The following CLCNKB variants were observed in gnomAD, a reference collection of about 807,000 sequenced individuals.
CLCNKB encodes chloride channel protein ClC-Kb.
CLCNKB carries 74 observed loss-of-function variants against 83.8 expected under a neutral mutation model. The ratio of observed to expected loss-of-function variants is 0.88; its 90% CI spans 0.73 to 1.07. The LOEUF is 1.07. Ranked by LOEUF, CLCNKB falls within the 50% of genes least tolerant of loss-of-function variation. CLCNKB has a pLI of 0.00. For missense variants in CLCNKB, 798 were observed against 893.6 expected, an observed-to-expected ratio of 0.89 and a Z score of 1.36; for synonymous variants, 358 against 356.6, an observed-to-expected ratio of 1.00 and a Z score of -0.04.
At position 16,056,100 on chromosome 1, in the gene CLCNKB, C is replaced by T. The variant is rs530717169; in HGVS notation, c.1930-322C>T. ...TTCTCCCTGTGTGATCTTGGACAAACGACTTAACCACTCAGGACAGAGCCT... is the reference window on the plus strand; with the variant it reads ...TTCTCCCTGTGTGATCTTGGACAAATGACTTAACCACTCAGGACAGAGCCT... On this transcript the variant is annotated intron_variant, in intron 18 of 19. Coordinates refer to ENST00000375679, the MANE Select transcript of CLCNKB (RefSeq NM_000085.5). Among the ~76,000 whole-genome samples the T allele has an allele frequency of 2.6e-5, 4 of 152,328 alleles. No homozygotes were observed. In the East Asian group the frequency reaches 7.7e-4, roughly 29 times the overall value.
At chr1:16,054,802 G>T (rs986429928) in intron 16 of CLCNKB, among the ~76,000 whole-genome samples, 4 of 152,058 alleles carry the variant, frequency 2.6e-5, no homozygotes, top group African/African-American at 9.7e-5. Context: ...ACAGGCCCAG[G>T]CTGTGGGACC....
rs2275165 is a variant in CLCNKB at position 16,051,126 on chromosome 1, G to A, written c.1227+78G>A. 4.2e-5 allele frequency: 68 copies of A among 1,602,920 alleles called. No homozygotes were observed. In the East Asian group the frequency reaches 1.5e-3, roughly 35 times the overall value. ...GGTGGGGGGTACCTCATCGCAGCTG[G>A]TGGCATGGAGCCCAGGCCTTCCACC... On this transcript the variant is annotated intron_variant, in intron 12 of 19. Transcript: ENST00000375679.
intron 7 of CLCNKB, chr1:16,048,832 C>G: frequency 6.9e-7 from 1 of 1,442,058 alleles, no homozygotes. Flanking sequence ...ATGACCCTGG[C>G]CCGTTGGCCT....
At position 16,051,628 on chromosome 1, in the gene CLCNKB, T is replaced by C. The variant is rs1415835545; in HGVS notation, c.1297+81T>C. The C allele has an allele frequency of 4.9e-5, 79 of 1,601,916 alleles. 3 individuals carry two copies. In the South Asian group the frequency reaches 8.5e-4, roughly 17 times the overall value. The stretch of plus-strand genomic sequence containing the variant: ...GGCTCCTGGTTCACCCTCCCCAGGT[T>C]GTACTGAGGACGGTCCTCAGGGATG... On this transcript the variant is annotated intron_variant, in intron 13 of 19. Coordinates refer to ENST00000375679, the MANE Select transcript of CLCNKB (RefSeq NM_000085.5).
In CLCNKB at chr1:16,052,325, A is replaced by C; in HGVS notation, c.1536A>C (p.Ala512=). The part of the protein sequence containing the change: ...LMAVLAANAI[A]QSCQPSFYDG... The stretch of plus-strand genomic sequence containing the variant: ...CGGTGCTGGCAGCCAACGCCATTGC[A>C]CAGAGCTGCCAGCCCTCCTTCTATG... Residue 512 remains alanine (A), a synonymous_variant, in exon 15 of 20, where the codon GCA becomes GCC. Coordinates refer to ENST00000375679, the MANE Select transcript of CLCNKB (RefSeq NM_000085.5). 4 of 1,613,124 alleles carry C rather than the reference A, an allele frequency of 2.5e-6. No individual in the cohort carries two copies. Among genetic ancestry groups the C allele is most frequent in the Non-Finnish European group, 3.4e-6 (4 of 1,180,022 alleles).
chr1:16,051,951 G>T, intron 14 of CLCNKB, 131 bp downstream of exon 14: 2 of 870,774 alleles, frequency 2.3e-6, no homozygotes, highest in Non-Finnish European at 3.7e-6. Flanking sequence ...CCCTCATGGG[G>T]GTCTGTCCCT....
At chr1:16,051,149 A>G (rs1557470562) in intron 12 of CLCNKB, 101 bp downstream of exon 12, 1 of 1,560,982 alleles carries the variant, frequency 6.4e-7, no homozygotes, top group Non-Finnish European at 8.8e-7. Context: ...CAGGCCTTCC[A>G]CCCACATTTC....
chr1:16,052,825 A>G (rs953018816), intron 15 of CLCNKB, among the ~76,000 whole-genome samples: 2 of 152,092 alleles, frequency 1.3e-5, no homozygotes, highest in Admixed American at 1.3e-4. Flanking sequence ...ATGGGCTTTG[A>G]GGTCTTCACT....
At chr1:16,053,599 C>T (rs375955650) in intron 15 of CLCNKB, 40 bp from the exon 16 acceptor site, 15 of 1,613,506 alleles carry the variant, frequency 9.3e-6, no homozygotes, top group Admixed American at 1.7e-5. Context: ...GGTCTCACAT[C>T]CCTGACTGTG....
intron 3 of CLCNKB, 88 bp downstream of exon 3, chr1:16,045,774 G>A (rs1037835072): frequency 4.1e-6 from 5 of 1,205,254 alleles, no homozygotes; most frequent in Non-Finnish European, 4.6e-6. Context: ...AGGTGCAGCG[G>A]AGGTTGGGGG....
intron 14 of CLCNKB, 83 bp from the exon 15 acceptor site, chr1:16,052,115 C>T: frequency 1.3e-6 from 2 of 1,547,524 alleles, no homozygotes; most frequent in South Asian, 1.1e-5. Context: ...ACACCTTAGC[C>T]CCTGGTCGCA....
intron 7 of CLCNKB, 152 bp downstream of exon 7, chr1:16,048,734 A>AC: frequency 7.0e-7 from 1 of 1,431,290 alleles, no homozygotes; most frequent in East Asian, 2.5e-5. Flanking sequence ...ACCGCCCCCC[A>AC]CCGGGGGGAG....
At chr1:16,048,713 T>A in intron 7 of CLCNKB, 131 bp downstream of exon 7, 1 of 1,502,148 alleles carries the variant, frequency 6.7e-7, no homozygotes. Flanking sequence ...AGCCCCGCCT[T>A]GGGCACAGCC....
chr1:16,055,631 C>T (rs1483639326), intron 17 of CLCNKB, 44 bp from the exon 18 acceptor site: 2 of 1,606,692 alleles, frequency 1.2e-6, no homozygotes, highest in Non-Finnish European at 1.7e-6. Context: ...GAGAGGCATC[C>T]TGGGGAGGCC....
Position 16,043,824 on chromosome 1 carries a change from G to A in CLCNKB, c.-64G>A, listed in dbSNP as rs1262146641. 2.0e-5 allele frequency: 3 copies of A among 152,390 alleles called. No homozygotes were observed. The highest frequency in any genetic ancestry group is 2.9e-5 in the Non-Finnish European group (2 of 68,286). The allele number at this position is 152,390 out of a possible 1,614,324, so 9.4% of individuals were successfully genotyped here. ...GAACACACACCTGTCCAGGTGCAGG[G>A]GAGCTGGAGGCTCTGTGAGAGGAGG... On this transcript the variant is annotated 5_prime_UTR_variant, in exon 1 of 20. Coordinates refer to ENST00000375679, the MANE Select transcript of CLCNKB (RefSeq NM_000085.5).
Position 16,050,924 on chromosome 1 carries a change from C to T in CLCNKB, c.1103C>T (p.Ala368Val), listed in dbSNP as rs1486840481. 15 of 1,612,908 alleles carry T rather than the reference C, an allele frequency of 9.3e-6. No individual in the cohort carries two copies. The highest frequency in any genetic ancestry group is 6.7e-5 in the East Asian group (3 of 44,888). Reference sequence around the variant, plus strand: ...TCGCTGTTCGACAACCACTCCTGGGCGCTGATGACCCAGAACTCCAGCCCA... The same window carrying T: ...TCGCTGTTCGACAACCACTCCTGGGTGCTGATGACCCAGAACTCCAGCCCA... ...LDSLFDNHSW[A>V]LMTQNSSPPW... The change falls in exon 12 of 20, where the codon GCG becomes GTG. Residue 368 changes from alanine to valine, a missense_variant. Ala to Val is a moderately conservative substitution (Grantham distance 64). Coordinates refer to ENST00000375679, the MANE Select transcript of CLCNKB (RefSeq NM_000085.5).
intron 16 of CLCNKB, among the ~76,000 whole-genome samples, chr1:16,055,048 C>T (rs935534193): frequency 2.0e-5 from 3 of 152,218 alleles, no homozygotes; most frequent in Non-Finnish European, 4.4e-5. Flanking sequence ...CACACCTTCA[C>T]TGTGCTGCGC....
rs1302260757 is a variant in CLCNKB, at chr1:16,046,649, C to T, written c.344C>T (p.Thr115Ile). The T allele has an allele frequency of 6.2e-7, 1 of 1,614,098 alleles. No homozygotes were observed. Among genetic ancestry groups the T allele is most frequent in the East Asian group, 2.2e-5 (1 of 44,870 alleles). ...TCTTCAGGCTTCTCTCAGAGCATCA[C>T]ACCCTCCTCTGGAGGTGAGTCCACA... ...SFSSGFSQSI[T>I]PSSGGSGIPE... The change falls in exon 4 of 20, where the codon ACA (threonine) becomes ATA (isoleucine). Residue 115 changes from threonine (T) to isoleucine (I), a missense_variant. Thr to Ile is a moderately conservative substitution (Grantham distance 89). Coordinates refer to ENST00000375679, the MANE Select transcript of CLCNKB (RefSeq NM_000085.5).
chr1:16,055,316 A>G, intron 16 of CLCNKB, 119 bp from the exon 17 acceptor site: 1 of 821,916 alleles, frequency 1.2e-6, no homozygotes, highest in South Asian at 1.4e-5. Context: ...ATGGGTGACA[A>G]TAGTCACAAT....
Sources: allele counts gnomAD v4.1 joint callset (sites outside exome capture counted in the v4.1 genomes callset), GRCh38; gene constraint gnomAD v4.1.1; transcripts MANE v1.5; gene names NCBI Gene and HGNC (gene_info 2026-07-23, HGNC 2026-07-21).